KIAA1328: variants seen among roughly 807,000 people sequenced by gnomAD.
The protein encoded by KIAA1328 is protein hinderin.
In KIAA1328, 52 loss-of-function variants were observed where a neutral mutation model predicts 68.1. The ratio of observed to expected loss-of-function variants is 0.76; its 90% CI spans 0.61 to 0.96. The LOEUF (loss-of-function observed/expected upper bound fraction) is 0.96, where lower values mean the gene tolerates loss of function less well. Among genes scored for constraint, KIAA1328 ranks in the 40% least tolerant of loss-of-function variants. The probability of loss-of-function intolerance (pLI) is 0.00; values close to 1 mark genes in which losing one functional copy is unlikely to be tolerated. For missense variants in KIAA1328, 641 were observed against 677.6 expected (o/e 0.95, Z 0.60); for synonymous variants, 232 against 239.4 (o/e 0.97, Z 0.28).
intron 9 of KIAA1328, among the ~76,000 whole-genome samples, chr18:37,187,136 C>G (rs1007996589): frequency 6.6e-6 from 1 of 151,920 alleles, no homozygotes; most frequent in Non-Finnish European, 1.5e-5. Flanking sequence ...TATACTCCAG[C>G]CTGGGTGACA....
intron 6 of KIAA1328, among the ~76,000 whole-genome samples, chr18:37,063,966 T>TA (rs2056249926): frequency 6.6e-6 from 1 of 152,188 alleles, no homozygotes; most frequent in Non-Finnish European, 1.5e-5. Flanking sequence ...TTCTGACCTT[T>TA]TAGTAAAAGA....
At chr18:36,853,149 A>G (rs1342213772) in intron 4 of KIAA1328, among the ~76,000 whole-genome samples, 2 of 152,138 alleles carry the variant, frequency 1.3e-5, no homozygotes, top group African/African-American at 4.8e-5. Flanking sequence ...AAATTTTTCC[A>G]CCTTTTAACT....
chr18:37,219,768 G>A (rs950273056), intron 9 of KIAA1328, among the ~76,000 whole-genome samples: 6 of 152,180 alleles, frequency 3.9e-5, no homozygotes, highest in Non-Finnish European at 7.3e-5. Flanking sequence ...GAAGTCCCCC[G>A]ACCCCTTGCG....
Position 36,876,117 on chromosome 18 carries a change from G to T in KIAA1328, c.333-9440G>T, listed in dbSNP as rs112605432. ...ATCGATGTTCATCAGGGATATTGGC[G>T]TGAAATTTTCTTTTTTTGTTGCGTC... On this transcript the variant is annotated intron_variant, in intron 4 of 9. Transcript: ENST00000280020. Among the ~76,000 whole-genome samples the T allele has an allele frequency of 8.9e-3, 1,348 of 152,096 alleles. 20 individuals are homozygous for T. The highest frequency in any genetic ancestry group is 0.03 in the African/African-American group (1,264 of 41,486).
intron 3 of KIAA1328, among the ~76,000 whole-genome samples, chr18:36,836,558 A>C (rs1361688252): frequency 2.0e-5 from 3 of 152,064 alleles, no homozygotes; most frequent in African/African-American, 7.2e-5. Context: ...CATACATTTT[A>C]CTTATGTGCA....
chr18:36,936,956 A>G (rs938741842), intron 5 of KIAA1328, among the ~76,000 whole-genome samples: 7 of 152,106 alleles, frequency 4.6e-5, no homozygotes, highest in African/African-American at 1.4e-4. Flanking sequence ...ACTTCAAACT[A>G]TATACTACAA....
chr18:37,178,314 T>C (rs1380328899), intron 9 of KIAA1328, among the ~76,000 whole-genome samples: 4 of 152,262 alleles, frequency 2.6e-5, no homozygotes, highest in South Asian at 2.1e-4. Flanking sequence ...TGGAAAGCAA[T>C]TGAGGCCAAG....
intron 5 of KIAA1328, among the ~76,000 whole-genome samples, chr18:36,929,774 G>A (rs986261106): frequency 7.9e-5 from 12 of 152,016 alleles, no homozygotes; most frequent in African/African-American, 2.7e-4. Flanking sequence ...GCCTGGAAGA[G>A]GCTCCTCACC....
rs115802245 is a variant in KIAA1328, at chr18:37,006,272, T to C, written c.576+46837T>C. The stretch of plus-strand genomic sequence containing the variant: ...ATGTGTAAACATATGGGTTTTTTTT[T>C]CCCAAAAGTCAAGAGTAAAAGGTCA... On this transcript the variant is annotated intron_variant, in intron 6 of 9. Transcript: ENST00000280020. 8.3e-3 allele frequency among the ~76,000 whole-genome samples: 1,267 copies of C among 152,148 alleles called. 20 individuals are homozygous for C. The highest frequency in any genetic ancestry group is 0.028 in the African/African-American group (1,181 of 41,536).
chr18:37,105,729 C>T (rs980027103), intron 7 of KIAA1328, among the ~76,000 whole-genome samples: 6 of 150,688 alleles, frequency 4.0e-5, no homozygotes, highest in Non-Finnish European at 8.9e-5. Flanking sequence ...AGTTTGAGGC[C>T]AACATGGTGA....
intron 5 of KIAA1328, among the ~76,000 whole-genome samples, chr18:36,904,783 T>G (rs1435142992): frequency 6.6e-6 from 1 of 152,068 alleles, no homozygotes; most frequent in Non-Finnish European, 1.5e-5. Flanking sequence ...TTTGTTCCTC[T>G]TTTCCTTTTT....
intron 4 of KIAA1328, among the ~76,000 whole-genome samples, chr18:36,871,124 A>C (rs1601074726): frequency 6.6e-6 from 1 of 152,158 alleles, no homozygotes; most frequent in African/African-American, 2.4e-5. Context: ...TATCTGGCCC[A>C]CGTGAAGGGA....
chr18:37,189,904 A>G (rs1014887435), intron 9 of KIAA1328, among the ~76,000 whole-genome samples: 1 of 152,210 alleles, frequency 6.6e-6, no homozygotes, highest in Non-Finnish European at 1.5e-5. Flanking sequence ...CCCACTGTAT[A>G]TACTGTATCC....
intron 9 of KIAA1328, among the ~76,000 whole-genome samples, chr18:37,202,210 G>T (rs186094958): frequency 6.6e-6 from 1 of 151,846 alleles, no homozygotes; most frequent in East Asian, 1.9e-4. Context: ...AAATTTTCTT[G>T]ATTCCAAAAA....
intron 9 of KIAA1328, among the ~76,000 whole-genome samples, chr18:37,185,105 G>T (rs2059770241): frequency 6.6e-6 from 1 of 151,852 alleles, no homozygotes; most frequent in Non-Finnish European, 1.5e-5. Flanking sequence ...GGCAGAGCTT[G>T]CAGTGAGCTG....
intron 2 of KIAA1328, 81 bp downstream of exon 2, chr18:36,834,436 T>C: frequency 8.0e-7 from 1 of 1,253,576 alleles, no homozygotes; most frequent in Non-Finnish European, 1.1e-6. Context: ...TAGAACAATG[T>C]TGCGGGTATA....
chr18:37,105,358 G>A (rs905878767), intron 7 of KIAA1328, among the ~76,000 whole-genome samples: 17 of 151,994 alleles, frequency 1.1e-4, no homozygotes, highest in Admixed American at 5.2e-4. Flanking sequence ...GGGTGTGGTG[G>A]TGCATGCCTG....
At chr18:37,181,859 A>G (rs1182689235) in intron 9 of KIAA1328, among the ~76,000 whole-genome samples, 1 of 152,204 alleles carries the variant, frequency 6.6e-6, no homozygotes, top group Non-Finnish European at 1.5e-5. Context: ...GTTATATTCC[A>G]TAATTTTAGA....
At chr18:36,909,920 A>C (rs1297730041) in intron 5 of KIAA1328, among the ~76,000 whole-genome samples, 1 of 152,190 alleles carries the variant, frequency 6.6e-6, no homozygotes, top group South Asian at 2.1e-4. Context: ...TGTTGGCTGC[A>C]TAAATGTCTT....
Sources: allele counts gnomAD v4.1 joint callset (sites outside exome capture counted in the v4.1 genomes callset), GRCh38; gene constraint gnomAD v4.1.1; transcripts MANE v1.5; gene names NCBI Gene and HGNC (gene_info 2026-07-23, HGNC 2026-07-21).